SOX5: variants seen among roughly 807,000 people sequenced by gnomAD.
SOX5 encodes transcription factor SOX-5.
Under a neutral mutation model 92.0 loss-of-function variants are expected in SOX5, and 9 were observed. The observed-to-expected ratio is 0.10, with a 90% CI of 0.06 to 0.17. SOX5 has a LOEUF of 0.17. SOX5 is among the 10% of genes least tolerant of loss of function. The pLI, the probability that SOX5 is intolerant of heterozygous loss-of-function variation, is 1.00. For missense variants in SOX5, 642 were observed against 944.5 expected (o/e 0.68, Z 4.20); for synonymous variants, 344 against 336.3 (o/e 1.02, Z -0.25).
intron 2 of SOX5, among the ~76,000 whole-genome samples, chr12:24,343,792 A>G (rs1952862009): frequency 6.6e-6 from 1 of 152,170 alleles, no homozygotes; most frequent in African/African-American, 2.4e-5. Flanking sequence ...GTGGGGAAGG[A>G]CCAAGGCAGA....
intron 1 of SOX5, among the ~76,000 whole-genome samples, chr12:24,399,184 CA>C (rs201536229): frequency 3.4e-5 from 5 of 147,030 alleles, no homozygotes; most frequent in Middle Eastern, 3.2e-3. Context: ...TCAAATTTTA[CA>C]AAAAAAAAAC....
chr12:24,041,680 C>T (rs1375718003), intron 4 of SOX5, among the ~76,000 whole-genome samples: 1 of 151,974 alleles, frequency 6.6e-6, no homozygotes, highest in African/African-American at 2.4e-5. Flanking sequence ...ATTCAAAGAT[C>T]CTTATGTAAA....
At chr12:24,058,091 A>G (rs1958305196) in intron 4 of SOX5, among the ~76,000 whole-genome samples, 1 of 152,254 alleles carries the variant, frequency 6.6e-6, no homozygotes, top group African/African-American at 2.4e-5. Context: ...TTTTATCTGC[A>G]AGGATCCCCT....
At chr12:23,565,396 C>G (rs1000094748) in intron 10 of SOX5, among the ~76,000 whole-genome samples, 3 of 152,136 alleles carry the variant, frequency 2.0e-5, no homozygotes, top group African/African-American at 7.2e-5. Flanking sequence ...TTCTTATGCT[C>G]TAACCCCTGT....
At chr12:23,870,596 A>G (rs1343388497) in intron 2 of SOX5, among the ~76,000 whole-genome samples, 2 of 152,162 alleles carry the variant, frequency 1.3e-5, no homozygotes, top group East Asian at 3.9e-4. Context: ...GTATGATCCA[A>G]CACTGCAGCT....
intron 1 of SOX5, among the ~76,000 whole-genome samples, chr12:23,909,387 G>A (rs577907747): frequency 1.3e-4 from 20 of 152,222 alleles, no homozygotes; most frequent in Admixed American, 4.6e-4. Context: ...CTCATCATTT[G>A]TTAGAATATA....
intron 1 of SOX5, among the ~76,000 whole-genome samples, chr12:24,373,527 T>TA (rs1956950672): frequency 6.6e-6 from 1 of 152,218 alleles, no homozygotes; most frequent in Admixed American, 6.5e-5. Flanking sequence ...GCTGTATTTT[T>TA]ATCACCACAA....
rs551770277 is a variant in SOX5, at chr12:23,979,653, C to T, written c.-1-83629G>A. 1.6e-3 allele frequency among the ~76,000 whole-genome samples: 220 copies of T among 138,586 alleles called. 1 individual carries two copies. Among genetic ancestry groups the T allele is most frequent in the African/African-American group, 5.2e-3 (200 of 38,168 alleles). 90.9% of individuals were successfully genotyped at this position (138,586 alleles called of 152,430 possible). A position where few individuals can be genotyped will look rare whatever the true frequency, so the allele number is the denominator to read the frequency against. On this transcript the variant is annotated intron_variant, in intron 4 of 4. Coordinates refer to the SOX5 transcript ENST00000446891. ...TAATTTTCCCAGCATGAGAACCTCA[C>T]AAATCGTTTCTCATTTTCTTTCTTC...
At chr12:23,584,014 T>G (rs530553364) in intron 9 of SOX5, among the ~76,000 whole-genome samples, 39 of 152,200 alleles carry the variant, frequency 2.6e-4, no homozygotes, top group Non-Finnish European at 1.8e-4. Flanking sequence ...GCTGATCAAA[T>G]TCTACTATCA....
chr12:24,560,836 G>C (rs1036653968), intron 1 of SOX5, among the ~76,000 whole-genome samples: 2 of 152,116 alleles, frequency 1.3e-5, no homozygotes, highest in Admixed American at 6.5e-5. Flanking sequence ...TTTTCCTCTG[G>C]TTTTTCTGAT....
intron 2 of SOX5, among the ~76,000 whole-genome samples, chr12:23,855,100 CATATT>C (rs1307587567): frequency 6.6e-6 from 1 of 151,660 alleles, no homozygotes; most frequent in African/African-American, 2.4e-5. Context: ...AAAGAAAAAA[CATATT>C]AGGAGGAGAA....
chr12:24,274,254 T>C (rs1944150100), intron 3 of SOX5, among the ~76,000 whole-genome samples: 1 of 152,200 alleles, frequency 6.6e-6, no homozygotes, highest in South Asian at 2.1e-4. Context: ...ATTTCTCTTA[T>C]TGTTCTATCA....
At chr12:24,230,555 C>T (rs1349478646) in intron 3 of SOX5, 1 of 152,046 alleles carries the variant, frequency 6.6e-6, no homozygotes, top group African/African-American at 2.4e-5. Flanking sequence ...CTGTTTACTC[C>T]CAGGAAAAGT....
chr12:24,112,480 A>C (rs1034558376), intron 4 of SOX5, among the ~76,000 whole-genome samples: 15 of 142,196 alleles, frequency 1.1e-4, no homozygotes, highest in Middle Eastern at 3.8e-3. Context: ...GAACAGGTAG[A>C]TGGAATGTGA....
intron 4 of SOX5, among the ~76,000 whole-genome samples, chr12:24,168,875 C>G (rs1953737146): frequency 1.3e-5 from 2 of 151,954 alleles, no homozygotes; most frequent in Admixed American, 1.3e-4. Context: ...TATGTGGATG[C>G]AAATGTGTCC....
At chr12:23,722,997 T>C (rs2140610794) in intron 6 of SOX5, among the ~76,000 whole-genome samples, 1 of 152,286 alleles carries the variant, frequency 6.6e-6, no homozygotes, top group East Asian at 1.9e-4. Context: ...AAACACATCC[T>C]AAATACCTCC....
Position 23,884,906 on chromosome 12 carries a change from G to A in SOX5, c.270+10887C>T, listed in dbSNP as rs544952893. Reference sequence around the variant, plus strand: ...ATTATTAGATATCTTATTCTGAGGAGCACTGACTGAAATCTTCCATATTTG... The same window carrying A: ...ATTATTAGATATCTTATTCTGAGGAACACTGACTGAAATCTTCCATATTTG... On this transcript the variant is annotated intron_variant, in intron 2 of 14. Transcript: ENST00000451604. Among the ~76,000 whole-genome samples the A allele has an allele frequency of 1.1e-4, 17 of 152,306 alleles. No homozygotes were observed. In the South Asian group the frequency reaches 3.5e-3, roughly 32 times the overall value.
At chr12:23,902,202 A>G (rs1288864111) in intron 1 of SOX5, among the ~76,000 whole-genome samples, 1 of 152,192 alleles carries the variant, frequency 6.6e-6, no homozygotes, top group African/African-American at 2.4e-5. Context: ...TATTCTGGAA[A>G]ATGACATGTA....
chr12:24,502,931 A>T (rs1276562578), intron 1 of SOX5, among the ~76,000 whole-genome samples: 1 of 152,232 alleles, frequency 6.6e-6, no homozygotes, highest in Non-Finnish European at 1.5e-5. Context: ...TTACAAAATA[A>T]TTGACTAGCA....
Sources: allele counts gnomAD v4.1 joint callset (sites outside exome capture counted in the v4.1 genomes callset), GRCh38; gene constraint gnomAD v4.1.1; transcripts MANE v1.5; gene names NCBI Gene and HGNC (gene_info 2026-07-23, HGNC 2026-07-21).